GCNT2: variants seen among roughly 807,000 people sequenced by gnomAD.
GCNT2 encodes N-acetyllactosaminide beta-1,6-N-acetylglucosaminyl-transferase.
A neutral mutation model predicts 34.2 loss-of-function variants in GCNT2; 34 were observed. That is an observed-to-expected ratio of 1.00 (90% confidence interval 0.76 to 1.32). The LOEUF (loss-of-function observed/expected upper bound fraction) is 1.32, where lower values mean the gene tolerates loss of function less well. Among genes scored for constraint, GCNT2 ranks in the 40% most tolerant of loss-of-function variants. The pLI is 0.00. For synonymous variants in GCNT2, 212 were observed against 188.0 expected, an observed-to-expected ratio of 1.13 and a Z score of -1.04; for missense variants, 584 against 489.4, an observed-to-expected ratio of 1.19 and a Z score of -1.82.
At chr6:10,542,202 G>T (rs917907320) in intron 3 of GCNT2, among the ~76,000 whole-genome samples, 2 of 151,578 alleles carry the variant, frequency 1.3e-5, no homozygotes, top group African/African-American at 2.4e-5. Context: ...ACAACAGATC[G>T]ACAGAGTTAC....
intron 3 of GCNT2, among the ~76,000 whole-genome samples, chr6:10,618,387 T>C (rs1765886505): frequency 6.6e-6 from 1 of 152,212 alleles, no homozygotes; most frequent in African/African-American, 2.4e-5. Context: ...CAGCAGGTAA[T>C]TAATTATAAA....
At chr6:10,567,078 GGAGGCCAAGGCAGGAGGATCACTT>G (rs1366823331) in intron 3 of GCNT2, among the ~76,000 whole-genome samples, 3 of 152,164 alleles carry the variant, frequency 2.0e-5, no homozygotes, top group African/African-American at 7.2e-5. Flanking sequence ...CAGCACTTTG[GGAGGCCAAGGCAGGAGGATCACTT>G]GAGCCCAAGA....
At chr6:10,565,426 T>C (rs1490863486) in intron 3 of GCNT2, among the ~76,000 whole-genome samples, 1 of 152,164 alleles carries the variant, frequency 6.6e-6, no homozygotes, top group African/African-American at 2.4e-5. Context: ...AGTCCGCCTT[T>C]CTTCATGGTC....
intron 3 of GCNT2, among the ~76,000 whole-genome samples, chr6:10,606,656 T>C (rs1031260639): frequency 6.7e-6 from 1 of 148,642 alleles, no homozygotes; most frequent in African/African-American, 2.4e-5. Flanking sequence ...TAATGGAAAT[T>C]TCCATTAAAG....
chr6:10,567,590 G>GT (rs1322214136), intron 3 of GCNT2, among the ~76,000 whole-genome samples: 1 of 152,178 alleles, frequency 6.6e-6, no homozygotes, highest in Non-Finnish European at 1.5e-5. Context: ...CCTCACCTCT[G>GT]TGTAAGATGT....
rs1762708575 is a variant in GCNT2, at chr6:10,556,465, T to C, written c.925+26629T>C. 1.9e-6 allele frequency: 3 copies of C among 1,614,152 alleles called. No homozygotes were observed. In the East Asian group the frequency reaches 6.7e-5, roughly 36 times the overall value. On this transcript the variant is annotated intron_variant, in intron 3 of 4. Transcript: ENST00000495262. ...GTTACCTCTTCATAATTTCTGTCTCTAGTGTAATTATTTTTATCGTCTTCT... is the reference window on the plus strand; with the variant it reads ...GTTACCTCTTCATAATTTCTGTCTCCAGTGTAATTATTTTTATCGTCTTCT...
At chr6:10,533,650 G>A (rs570390304) in intron 3 of GCNT2, among the ~76,000 whole-genome samples, 70 of 151,360 alleles carry the variant, frequency 4.6e-4, no homozygotes, top group African/African-American at 1.5e-3. Flanking sequence ...CTAGCCAGGC[G>A]TGGTAGCTTG....
At chr6:10,573,313 A>G in intron 3 of GCNT2, 1 of 980,952 alleles carries the variant, frequency 1.0e-6, no homozygotes, top group Non-Finnish European at 1.2e-6. Flanking sequence ...AACTTAACAG[A>G]ATATAGTCAA....
intron 3 of GCNT2, among the ~76,000 whole-genome samples, chr6:10,578,565 G>C (rs1235556478): frequency 6.8e-6 from 1 of 147,582 alleles, no homozygotes; most frequent in Non-Finnish European, 1.5e-5. Flanking sequence ...TCCTGCCTCA[G>C]CCTCCCGCGT....
intron 3 of GCNT2, chr6:10,573,076 A>G: frequency 1.9e-6 from 1 of 521,102 alleles, no homozygotes; most frequent in Non-Finnish European, 2.5e-6. Flanking sequence ...TAGAAGTTGC[A>G]AGAAATCACT....
intron 3 of GCNT2, among the ~76,000 whole-genome samples, chr6:10,559,578 G>A (rs1205648580): frequency 6.6e-6 from 1 of 152,170 alleles, no homozygotes; most frequent in African/African-American, 2.4e-5. Context: ...GACCTCCCAC[G>A]CTGCTAGTGG....
chr6:10,597,111 G>C (rs1764885255), intron 3 of GCNT2, among the ~76,000 whole-genome samples: 1 of 143,282 alleles, frequency 7.0e-6, no homozygotes, highest in South Asian at 2.3e-4. Flanking sequence ...ATTAAAGAAA[G>C]TTTTTAAGGT....
intron 3 of GCNT2, among the ~76,000 whole-genome samples, chr6:10,549,617 G>T (rs1297353945): frequency 1.5e-5 from 2 of 132,048 alleles, no homozygotes; most frequent in Non-Finnish European, 1.5e-5. Context: ...TGTCACCCAG[G>T]TTGGAGTGTA....
intron 3 of GCNT2, among the ~76,000 whole-genome samples, chr6:10,550,118 A>G (rs968773179): frequency 2.0e-5 from 3 of 152,038 alleles, no homozygotes; most frequent in African/African-American, 7.2e-5. Flanking sequence ...CAGTGGCGCA[A>G]TCTGGGCTCA....
intron 3 of GCNT2, among the ~76,000 whole-genome samples, chr6:10,547,924 A>C (rs1015809408): frequency 6.6e-6 from 1 of 152,244 alleles, no homozygotes; most frequent in Non-Finnish European, 1.5e-5. Context: ...AAATTGTCCC[A>C]GACTTGGCCA....
chr6:10,526,285 T>G (rs1289936926), intron 1 of GCNT2, among the ~76,000 whole-genome samples: 1 of 152,180 alleles, frequency 6.6e-6, no homozygotes, highest in Non-Finnish European at 1.5e-5. Context: ...CTGTAGAATC[T>G]GATTCCAGAA....
At chr6:10,582,159 T>C (rs1185683211) in intron 3 of GCNT2, among the ~76,000 whole-genome samples, 1 of 136,374 alleles carries the variant, frequency 7.3e-6, no homozygotes, top group Non-Finnish European at 1.5e-5. Context: ...TATATGTATG[T>C]GTATAAAATA....
chr6:10,587,779 G>A (rs1049623244), intron 3 of GCNT2, among the ~76,000 whole-genome samples: 6 of 152,106 alleles, frequency 3.9e-5, no homozygotes, highest in East Asian at 3.9e-4. Flanking sequence ...TGTGACCTGC[G>A]TTACGTCTTT....
At chr6:10,623,245 C>T (rs147999091) in intron 4 of GCNT2, among the ~76,000 whole-genome samples, 2 of 113,998 alleles carry the variant, frequency 1.8e-5, no homozygotes, top group East Asian at 5.5e-4. Context: ...TATATTTAAT[C>T]AGCCTGTATT....
Sources: allele counts gnomAD v4.1 joint callset (sites outside exome capture counted in the v4.1 genomes callset), GRCh38; gene constraint gnomAD v4.1.1; transcripts MANE v1.5; gene names NCBI Gene and HGNC (gene_info 2026-07-23, HGNC 2026-07-21).